Variants in GRIP1 observed in about 807,000 individuals in gnomAD.
GRIP1 encodes the protein glutamate receptor-interacting protein 1.
A neutral mutation model predicts 129.9 loss-of-function variants in GRIP1; 45 were observed. That is an observed-to-expected ratio of 0.35 (90% confidence interval 0.27 to 0.44). GRIP1 has a LOEUF of 0.44. GRIP1 is among the 20% of genes least tolerant of loss of function. The pLI, the probability that GRIP1 is intolerant of heterozygous loss-of-function variation, is 1.00. For synonymous variants in GRIP1, 530 were observed against 520.8 expected (o/e 1.02, Z -0.24); for missense variants, 1,196 against 1,396.8 (o/e 0.86, Z 2.29).
At chr12:66,404,104 G>C (rs1018639896) in intron 16 of GRIP1, among the ~76,000 whole-genome samples, 1 of 152,232 alleles carries the variant, frequency 6.6e-6, no homozygotes, top group East Asian at 1.9e-4. Context: ...AAGTGCAACT[G>C]AAGCAGGCTT....
chr12:66,712,872 G>A (rs185108545), intron 1 of GRIP1, among the ~76,000 whole-genome samples: 47 of 152,046 alleles, frequency 3.1e-4, no homozygotes, highest in African/African-American at 1.1e-3. Context: ...TTTTGCTTGC[G>A]TGTCTTCACT....
intron 7 of GRIP1, among the ~76,000 whole-genome samples, chr12:66,490,727 C>A (rs2060083527): frequency 6.6e-6 from 1 of 151,968 alleles, no homozygotes; most frequent in Non-Finnish European, 1.5e-5. Context: ...TGACAAAGGT[C>A]TAATATCCAA....
intron 7 of GRIP1, among the ~76,000 whole-genome samples, chr12:66,484,715 G>T (rs1415208090): frequency 2.6e-5 from 4 of 152,078 alleles, no homozygotes; most frequent in African/African-American, 9.7e-5. Context: ...TGCTTAGTGG[G>T]TATAAAACAC....
rs1411220796 is a variant in GRIP1 at position 66,400,126 on chromosome 12, C to T, written c.1985-5774G>A. Among the ~76,000 whole-genome samples, 5 of 151,864 alleles carry T rather than the reference C, an allele frequency of 3.3e-5. 1 individual carries two copies. The highest frequency in any genetic ancestry group is 1.2e-4 in the African/African-American group (5 of 41,156). The stretch of plus-strand genomic sequence containing the variant: ...TAGCAGTTTTGGCATCATCTGCAAA[C>T]TTGTTAAAAATGCAAATTCTCAAGT... On this transcript the variant is annotated intron_variant, in intron 16 of 24. Coordinates refer to ENST00000359742, the MANE Select transcript of GRIP1 (RefSeq NM_001366722.1).
intron 19 of GRIP1, 109 bp downstream of exon 19, chr12:66,392,199 C>T (rs2056614715): frequency 1.4e-6 from 1 of 725,496 alleles, no homozygotes; most frequent in African/African-American, 1.7e-5. Flanking sequence ...TGCACCAAAG[C>T]AGACACAAGT....
In GRIP1 at chr12:66,425,473, G is replaced by T. The variant is rs1347510840; in HGVS notation, c.1769-4684C>A. Among the ~76,000 whole-genome samples the T allele has an allele frequency of 2.0e-5, 3 of 152,238 alleles. No homozygotes were observed. The East Asian group carries it at 5.8e-4, about 29-fold the overall frequency. ...TTTGACCCAGCCATCCCATTACTGG[G>T]TATATACCCAAAGGATTATAAATCA... On this transcript the variant is annotated intron_variant, in intron 14 of 24. Coordinates refer to ENST00000359742, the MANE Select transcript of GRIP1 (RefSeq NM_001366722.1).
chr12:66,515,596 A>G, intron 7 of GRIP1, 23 bp downstream of exon 7: 1 of 1,362,840 alleles, frequency 7.3e-7, no homozygotes, highest in Non-Finnish European at 9.9e-7. Context: ...CTTAGAGATC[A>G]CACCCTCAGG....
In GRIP1 at chr12:66,759,385, C is replaced by T. The variant is rs543040304; in HGVS notation, c.-420+44668G>A. On this transcript the variant is annotated intron_variant, in intron 1 of 4. Coordinates refer to the GRIP1 transcript ENST00000538373. ...CCAGCCCTCAAAACCACTTTTTCCTCGTGGGCCTCTGGGCCTGTGATGGGA... is the reference window on the plus strand; with the variant it reads ...CCAGCCCTCAAAACCACTTTTTCCTTGTGGGCCTCTGGGCCTGTGATGGGA... Among the ~76,000 whole-genome samples, 192 of 152,272 alleles carry T rather than the reference C, an allele frequency of 1.3e-3. 2 individuals are homozygous for T. The highest frequency in any genetic ancestry group is 4.2e-3 in the African/African-American group (173 of 41,550).
chr12:66,515,869 C>T, intron 6 of GRIP1, 105 bp from the exon 7 acceptor site: 1 of 877,782 alleles, frequency 1.1e-6, no homozygotes, highest in East Asian at 2.4e-5. Flanking sequence ...TTCTGCCATC[C>T]ATCTCATTTG....
chr12:66,975,043 T>G (rs931964633), intron 1 of GRIP1, among the ~76,000 whole-genome samples: 2 of 152,154 alleles, frequency 1.3e-5, no homozygotes, highest in African/African-American at 4.8e-5. Context: ...GACTTTGGAA[T>G]TATACTTTAT....
rs2041264130 is a variant in GRIP1, at chr12:66,924,492, G to GA, written c.58+144557dup. On this transcript the variant is annotated intron_variant, in intron 1 of 1. Coordinates refer to the GRIP1 transcript ENST00000643019. ...GCTGAAAGAGGCAATCACATTCTCTGAATTCCTGTTGTCTTCTCTGGGCAT... is the reference window on the plus strand; with the variant it reads ...GCTGAAAGAGGCAATCACATTCTCTGAAATTCCTGTTGTCTTCTCTGGGCAT... Among the ~76,000 whole-genome samples the GA allele has an allele frequency of 1.3e-5, 2 of 152,252 alleles. 1 individual carries two copies. Among genetic ancestry groups the GA allele is most frequent in the Middle Eastern group, 6.8e-3 (2 of 294 alleles).
At chr12:66,438,260 T>A (rs1392381406) in intron 13 of GRIP1, among the ~76,000 whole-genome samples, 1 of 152,098 alleles carries the variant, frequency 6.6e-6, no homozygotes, top group Non-Finnish European at 1.5e-5. Flanking sequence ...GAATGAGAAA[T>A]TAGAACTGGC....
intron 1 of GRIP1, among the ~76,000 whole-genome samples, chr12:66,915,418 G>C (rs1390174799): frequency 6.6e-6 from 1 of 152,196 alleles, no homozygotes; most frequent in African/African-American, 2.4e-5. Flanking sequence ...AGATGAGGGA[G>C]GGAGCTGTCT....
At chr12:66,984,202 C>T (rs2042278153) in intron 1 of GRIP1, among the ~76,000 whole-genome samples, 1 of 152,140 alleles carries the variant, frequency 6.6e-6, no homozygotes, top group South Asian at 2.1e-4. Flanking sequence ...CTAGACATCC[C>T]AGCAACTGCA....
chr12:66,582,311 C>T (rs1201605113), intron 2 of GRIP1, among the ~76,000 whole-genome samples: 2 of 139,768 alleles, frequency 1.4e-5, no homozygotes, highest in East Asian at 2.1e-4. Flanking sequence ...ACTGAATGGG[C>T]AAAAACTGGA....
chr12:66,626,693 G>T (rs896227607), intron 1 of GRIP1: 33 of 152,910 alleles, frequency 2.2e-4, no homozygotes, highest in African/African-American at 7.5e-4. Flanking sequence ...AGGTGAGAAG[G>T]CCTTACTGTC....
intron 1 of GRIP1, among the ~76,000 whole-genome samples, chr12:66,686,851 G>A (rs562023551): frequency 6.6e-6 from 1 of 152,290 alleles, no homozygotes; most frequent in South Asian, 2.1e-4. Context: ...GAGCCCAGGA[G>A]TTTGAAACCA....
intron 13 of GRIP1, among the ~76,000 whole-genome samples, chr12:66,444,212 C>A (rs535174344): frequency 1.3e-5 from 2 of 152,124 alleles, no homozygotes; most frequent in African/African-American, 2.4e-5. Context: ...CTTGGCCGGG[C>A]GCGGTGGCTC....
chr12:66,390,739 A>G (rs1221234711), intron 19 of GRIP1, among the ~76,000 whole-genome samples: 1 of 152,210 alleles, frequency 6.6e-6, no homozygotes, highest in Non-Finnish European at 1.5e-5. Context: ...TAACCAATAC[A>G]CAATAAATTG....
Sources: gnomAD v4.1 joint callset for allele counts (sites outside exome capture counted in the v4.1 genomes callset) on GRCh38, gnomAD v4.1.1 for gene constraint, MANE v1.5 for transcripts, NCBI Gene and HGNC (gene_info 2026-07-23, HGNC 2026-07-21) for gene names.